The following PAG1 variants were observed in gnomAD, a reference collection of about 807,000 sequenced individuals.
PAG1 encodes the protein phosphoprotein membrane anchor with glycosphingolipid microdomains 1.
In PAG1, 23 loss-of-function variants were observed where a neutral mutation model predicts 31.7. The ratio of observed to expected loss-of-function variants is 0.73; its 90% CI spans 0.52 to 1.03. The LOEUF (loss-of-function observed/expected upper bound fraction) is 1.03. PAG1 is among the 50% of genes least tolerant of loss of function. The pLI is 0.00. For synonymous variants in PAG1, 214 were observed against 210.3 expected (o/e 1.02, Z -0.15); for missense variants, 473 against 540.7 (o/e 0.87, Z 1.24).
rs576601347 is a variant in PAG1 at position 81,003,790 on chromosome 8, GT to G, written c.-80-10484del. Among the ~76,000 whole-genome samples the G allele has an allele frequency of 1.5e-3, 225 of 152,312 alleles. 1 individual carries two copies. The highest frequency in any genetic ancestry group is 3.4e-3 in the Middle Eastern group (1 of 294). On this transcript the variant is annotated intron_variant, in intron 3 of 8. Transcript: ENST00000220597. The stretch of plus-strand genomic sequence containing the variant: ...CAGGACTTTCCACACAAAGGAGAAT[GT>G]TGCTCCAGCAAGAATCTTAAATTCT...
intron 1 of PAG1, among the ~76,000 whole-genome samples, chr8:81,096,659 C>T (rs572216500): frequency 2.3e-4 from 35 of 152,288 alleles, no homozygotes; most frequent in African/African-American, 8.2e-4. Flanking sequence ...TTCAAGTGAG[C>T]TGACAGCAGA....
intron 3 of PAG1, among the ~76,000 whole-genome samples, chr8:81,001,967 GC>G (rs1367787813): frequency 6.6e-6 from 1 of 152,108 alleles, no homozygotes; most frequent in Non-Finnish European, 1.5e-5. Context: ...TTGTTTTAGG[GC>G]CAGAGAGAAG....
intron 6 of PAG1, among the ~76,000 whole-genome samples, chr8:80,985,920 C>T (rs1807409798): frequency 6.6e-6 from 1 of 151,440 alleles, no homozygotes; most frequent in South Asian, 2.1e-4. Flanking sequence ...TACCTTGCTT[C>T]CATCTCATCC....
At chr8:80,977,132 A>G (rs1488271000) in intron 8 of PAG1, among the ~76,000 whole-genome samples, 1 of 152,224 alleles carries the variant, frequency 6.6e-6, no homozygotes, top group East Asian at 1.9e-4. Context: ...AATTCCGTGA[A>G]AACCCAGTTC....
At chr8:81,063,664 G>A (rs933490646) in intron 2 of PAG1, among the ~76,000 whole-genome samples, 1 of 152,136 alleles carries the variant, frequency 6.6e-6, no homozygotes, top group Non-Finnish European at 1.5e-5. Flanking sequence ...ATGACCAGGT[G>A]TTTCACGAAA....
intron 3 of PAG1, among the ~76,000 whole-genome samples, chr8:80,999,996 G>A (rs1462915101): frequency 6.6e-6 from 1 of 152,024 alleles, no homozygotes; most frequent in African/African-American, 2.4e-5. Context: ...CCTGAGATGC[G>A]CTTCTATTTG....
At chr8:80,995,745 AT>A (rs1384711718) in intron 3 of PAG1, among the ~76,000 whole-genome samples, 1 of 152,236 alleles carries the variant, frequency 6.6e-6, no homozygotes, top group Non-Finnish European at 1.5e-5. Context: ...CCAGATATCC[AT>A]TCATGAAACC....
chr8:81,046,647 T>A (rs746950407), intron 2 of PAG1, among the ~76,000 whole-genome samples: 10 of 152,214 alleles, frequency 6.6e-5, no homozygotes, highest in Non-Finnish European at 1.5e-4. Flanking sequence ...TTGTGACCAC[T>A]CTTGGAAGCC....
At chr8:81,027,923 A>AG in intron 3 of PAG1, among the ~76,000 whole-genome samples, 1 of 151,790 alleles carries the variant, frequency 6.6e-6, no homozygotes, top group East Asian at 1.9e-4. Flanking sequence ...AAAAAAAAAA[A>AG]AAAAGAATAT....
intron 2 of PAG1, among the ~76,000 whole-genome samples, chr8:81,030,916 T>A (rs1808369402): frequency 6.6e-6 from 1 of 152,202 alleles, no homozygotes; most frequent in Non-Finnish European, 1.5e-5. Context: ...AACAAACGGA[T>A]GAAAGAACGG....
At chr8:81,064,567 TAA>T (rs1490257732) in intron 2 of PAG1, among the ~76,000 whole-genome samples, 1 of 152,228 alleles carries the variant, frequency 6.6e-6, no homozygotes, top group Non-Finnish European at 1.5e-5. Flanking sequence ...AGGACTTGAC[TAA>T]AGCTAACTAG....
intron 3 of PAG1, among the ~76,000 whole-genome samples, chr8:80,999,742 A>G (rs1363925627): frequency 1.3e-5 from 2 of 152,162 alleles, no homozygotes; most frequent in African/African-American, 4.8e-5. Context: ...ACATCACAGA[A>G]ATAATATAGT....
intron 2 of PAG1, among the ~76,000 whole-genome samples, chr8:81,068,144 G>A (rs1157295494): frequency 6.6e-6 from 1 of 152,132 alleles, no homozygotes; most frequent in Non-Finnish European, 1.5e-5. Context: ...TGATCTGCTC[G>A]CCTCGGCCTC....
chr8:81,067,089 G>T (rs1383930044), intron 2 of PAG1, among the ~76,000 whole-genome samples: 2 of 152,198 alleles, frequency 1.3e-5, no homozygotes, highest in Non-Finnish European at 2.9e-5. Context: ...TTGAGCTCAG[G>T]GGTTTGAGGC....
In PAG1 at chr8:81,081,197, A is replaced by G. The variant is rs1430439775; in HGVS notation, c.-233-11027T>C. On this transcript the variant is annotated intron_variant, in intron 1 of 8. Transcript: ENST00000220597. ...AACAGAATCCCTTGCCTTCCTTCCC[A>G]ATCTCCAAACAAATTAAAAAAAAAA... 2.6e-5 allele frequency among the ~76,000 whole-genome samples: 4 copies of G among 152,046 alleles called. No homozygotes were observed. In the East Asian group the frequency reaches 7.7e-4, roughly 29 times the overall value.
chr8:81,093,379 A>G (rs1809477844), intron 1 of PAG1, among the ~76,000 whole-genome samples: 1 of 152,248 alleles, frequency 6.6e-6, no homozygotes, highest in African/African-American at 2.4e-5. Context: ...AATATGTTCT[A>G]GAACATAGAT....
chr8:81,015,093 AT>A (rs1178705141), intron 3 of PAG1, among the ~76,000 whole-genome samples: 1 of 152,188 alleles, frequency 6.6e-6, no homozygotes, highest in African/African-American at 2.4e-5. Flanking sequence ...GAGTATAGGT[AT>A]TTTTTGATCC....
Position 80,974,282 on chromosome 8 carries a change from A to G in PAG1, c.*2262T>C, listed in dbSNP as rs1285139552. 3 of 151,728 alleles carry G rather than the reference A, an allele frequency of 2.0e-5. No individual in the cohort carries two copies. Among genetic ancestry groups the G allele is most frequent in the African/African-American group, 7.3e-5 (3 of 41,292 alleles). The allele number at this position is 151,728 out of a possible 1,614,324, so 9.4% of individuals were successfully genotyped here. On this transcript the variant is annotated 3_prime_UTR_variant, in exon 9 of 9. Coordinates refer to ENST00000220597, the MANE Select transcript of PAG1 (RefSeq NM_018440.4). The stretch of plus-strand genomic sequence containing the variant: ...TATAAAGGATGTCACTACAGCATTC[A>G]CAATGCTAGGTGTGTAAGATGACAT...
chr8:80,984,232 T>C (rs996790081), intron 7 of PAG1, among the ~76,000 whole-genome samples: 1 of 152,182 alleles, frequency 6.6e-6, no homozygotes, highest in African/African-American at 2.4e-5. Flanking sequence ...TACAGCTTTG[T>C]TGAATATCTA....
Sources: gnomAD v4.1 joint callset for allele counts (sites outside exome capture counted in the v4.1 genomes callset) on GRCh38, gnomAD v4.1.1 for gene constraint, MANE v1.5 for transcripts, NCBI Gene and HGNC (gene_info 2026-07-23, HGNC 2026-07-21) for gene names.